TIMELESS: variants seen among roughly 807,000 people sequenced by gnomAD.
TIMELESS encodes protein timeless homolog.
In TIMELESS, 124 loss-of-function variants were observed where a neutral mutation model predicts 164.3. The ratio of observed to expected loss-of-function variants is 0.75; its 90% CI spans 0.65 to 0.88. The LOEUF (loss-of-function observed/expected upper bound fraction) is 0.88, where lower values mean the gene tolerates loss of function less well. Ranked by LOEUF, TIMELESS falls within the 40% of genes least tolerant of loss-of-function variation. The pLI is 0.00. For missense variants in TIMELESS, 1,422 were observed against 1,491.4 expected (o/e 0.95, Z 0.77); for synonymous variants, 564 against 563.4 (o/e 1.00, Z -0.02).
chr12:56,430,427 G>T, intron 9 of TIMELESS, 146 bp from the exon 10 acceptor site: 1 of 910,602 alleles, frequency 1.1e-6, no homozygotes, highest in Non-Finnish European at 1.6e-6. Flanking sequence ...GTGTAATGAT[G>T]CAATCATAGC....
chr12:56,425,202 T>TC (rs1227483790), intron 13 of TIMELESS, 50 bp from the exon 14 acceptor site: 5 of 1,551,576 alleles, frequency 3.2e-6, no homozygotes, highest in South Asian at 1.2e-5. Flanking sequence ...AAGAGGGCTT[T>TC]CCCCATCAGT....
chr12:56,416,429 C>T lies in TIMELESS; in HGVS notation c.*1287G>A, dbSNP rs1592240602. The T allele has an allele frequency of 6.6e-6, 1 of 152,260 alleles. No individual in the cohort carries two copies. Among genetic ancestry groups the T allele is most frequent in the Non-Finnish European group, 1.5e-5 (1 of 68,052 alleles). The allele number at this position is 152,260 out of a possible 1,614,324, so 9.4% of individuals were successfully genotyped here. A position where few individuals can be genotyped will look rare whatever the true frequency, so the allele number is the denominator to read the frequency against. ...TGAGCTGAATGGCTATTTTCTCAAT[C>T]TCACCTTTGCCCTACCTCGGCTGGA... On this transcript the variant is annotated 3_prime_UTR_variant, in exon 29 of 29. Transcript: ENST00000553532.
Position 56,421,075 on chromosome 12 carries a change from G to A in TIMELESS, c.2928C>T (p.Asn976=). The A allele has an allele frequency of 6.2e-7, 1 of 1,614,102 alleles. No homozygotes were observed. Among genetic ancestry groups the A allele is most frequent in the African/African-American group, 1.3e-5 (1 of 75,008 alleles). ...CCTCTTCGCTGTCTTCCTCAGGCAG[G>A]TTTTCCTCTTCTTCCAGATCTTCCT... The part of the protein sequence containing the change: ...FCQEDLEEEE[N]LPEEDSEEEE... The change falls in exon 24 of 29, where the codon AAC becomes AAT. Residue 976 remains asparagine, a synonymous_variant. Coordinates refer to ENST00000553532, the MANE Select transcript of TIMELESS (RefSeq NM_003920.5).
intron 27 of TIMELESS, 59 bp downstream of exon 27, chr12:56,418,075 C>A (rs1164134970): frequency 4.3e-5 from 70 of 1,612,670 alleles, no homozygotes; most frequent in Non-Finnish European, 5.9e-5. Flanking sequence ...ACCTTTCCTG[C>A]CCTCTAGACC....
chr12:56,426,519 T>C (rs1270188305), intron 13 of TIMELESS, among the ~76,000 whole-genome samples: 1 of 151,812 alleles, frequency 6.6e-6, no homozygotes, highest in Non-Finnish European at 1.5e-5. Flanking sequence ...CCCAAGTACC[T>C]GGGATTACAG....
At chr12:56,422,283 G>A (rs1881524025) in intron 19 of TIMELESS, 92 bp from the exon 20 acceptor site, 2 of 1,191,944 alleles carry the variant, frequency 1.7e-6, no homozygotes, top group South Asian at 1.3e-5. Context: ...AAAAGAACAG[G>A]AAGGACAAGG....
intron 1 of TIMELESS, among the ~76,000 whole-genome samples, chr12:56,444,636 C>T (rs890927206): frequency 9.9e-5 from 15 of 151,520 alleles, no homozygotes; most frequent in African/African-American, 3.6e-4. Context: ...AGCCTCAAGC[C>T]CCCAGGCTCA....
At chr12:56,434,268 T>C in intron 1 of TIMELESS, 37 bp from the exon 2 acceptor site, 1 of 987,154 alleles carries the variant, frequency 1.0e-6, no homozygotes, top group East Asian at 2.5e-5. Flanking sequence ...TGTAAGTTCC[T>C]CTCCATGAAA....
intron 1 of TIMELESS, among the ~76,000 whole-genome samples, chr12:56,447,713 T>C (rs957791477): frequency 1.5e-4 from 23 of 152,122 alleles, no homozygotes; most frequent in African/African-American, 5.6e-4. Context: ...ATTGATCTTT[T>C]ATTGAGCTGT....
intron 21 of TIMELESS, 35 bp downstream of exon 21, chr12:56,421,864 C>G: frequency 4.3e-6 from 7 of 1,613,392 alleles, no homozygotes; most frequent in Non-Finnish European, 5.9e-6. Context: ...CACGAGTCCC[C>G]ATCCCAATAG....
In TIMELESS at chr12:56,428,387, A is replaced by G. The variant is rs1284936118; in HGVS notation, c.1427T>C (p.Met476Thr). 1.9e-6 allele frequency: 3 copies of G among 1,610,550 alleles called. No individual in the cohort carries two copies. The highest frequency in any genetic ancestry group is 2.5e-6 in the Non-Finnish European group (3 of 1,177,240). Residue 476 changes from methionine (M) to threonine (T), a missense_variant, in exon 13 of 29, where the codon ATG becomes ACG. By Grantham distance (81) the Met-to-Thr change is moderately conservative. Transcript: ENST00000553532. ...RIIKNNIFYVMEYRELFLALF... is the reference protein window; with the variant it reads ...RIIKNNIFYVTEYRELFLALF... ...TGCCAGGAATAGTTCTCGGTACTCC[A>G]TCACATAGAAAATATTGTCTAGGAA...
rs1378695610 is a variant in TIMELESS, at chr12:56,420,943, C to A, written c.3040+20G>T. The A allele has an allele frequency of 6.2e-7, 1 of 1,614,124 alleles. No individual in the cohort carries two copies. The highest frequency in any genetic ancestry group is 1.7e-5 in the Admixed American group (1 of 60,018). Reference sequence around the variant, plus strand: ...CCCAAGCCCTCCACCTGAGACATCTCTCCCAGCCAAAGTCCTCACCTTCCT... The same window carrying A: ...CCCAAGCCCTCCACCTGAGACATCTATCCCAGCCAAAGTCCTCACCTTCCT... On this transcript the variant is annotated intron_variant, in intron 24 of 28. Transcript: ENST00000553532.
Position 56,428,616 on chromosome 12 carries a change from C to T in TIMELESS, c.1341G>A (p.Leu447=). The stretch of plus-strand genomic sequence containing the variant: ...ATATGTCCATCTCATTCACTGTTGC[C>T]AGCAGCTCCTGATAGGCCTTCAGAG... ...HLALKAYQEL[L]ATVNEMDISP... The change falls in exon 12 of 29, where the codon CTG becomes CTA. Residue 447 remains leucine (L), a synonymous_variant. Coordinates refer to ENST00000553532, the MANE Select transcript of TIMELESS (RefSeq NM_003920.5). 5 of 1,614,140 alleles carry T rather than the reference C, an allele frequency of 3.1e-6. No homozygotes were observed. The highest frequency in any genetic ancestry group is 1.1e-5 in the South Asian group (1 of 91,088).
At chr12:56,438,458 C>T (rs1424958710) in intron 1 of TIMELESS, among the ~76,000 whole-genome samples, 4 of 150,526 alleles carry the variant, frequency 2.7e-5, no homozygotes, top group Middle Eastern at 3.4e-3. Flanking sequence ...TATGCTAACT[C>T]AAATTTGAAA....
At chr12:56,440,288 G>A (rs370546829) in intron 1 of TIMELESS, among the ~76,000 whole-genome samples, 42 of 152,014 alleles carry the variant, frequency 2.8e-4, no homozygotes, top group South Asian at 2.3e-3. Flanking sequence ...ACAGGCACGC[G>A]CCACCATGCC....
rs1230234206 is a variant in TIMELESS at position 56,430,199 on chromosome 12, T to G, written c.992A>C (p.Gln331Pro). ...RRQAARELSI[Q>P]RRSALNVRLF... ...CCTCACATTGAGGGCAGAACGGCGC[T>G]GAATGGACAGCTCTCGGGCGGCCTG... The change falls in exon 10 of 29, where the codon CAG (glutamine) becomes CCG (proline). Residue 331 changes from glutamine (Q) to proline (P), a missense_variant. Coordinates refer to ENST00000553532, the MANE Select transcript of TIMELESS (RefSeq NM_003920.5). 1.7e-5 allele frequency: 27 copies of G among 1,614,014 alleles called. No homozygotes were observed. The highest frequency in any genetic ancestry group is 3.3e-5 in the South Asian group (3 of 91,088).
chr12:56,420,242 T>C (rs1340133487), intron 26 of TIMELESS, among the ~76,000 whole-genome samples: 1 of 151,848 alleles, frequency 6.6e-6, no homozygotes, highest in Non-Finnish European at 1.5e-5. Context: ...TCAGCATCTA[T>C]AGATTTTGGT....
intron 19 of TIMELESS, 45 bp from the exon 20 acceptor site, chr12:56,422,236 A>G: frequency 1.9e-6 from 3 of 1,576,272 alleles, no homozygotes. Flanking sequence ...TCTTGGCCCA[A>G]AAAGAGGAGA....
Position 56,423,329 on chromosome 12 carries a change from G to A in TIMELESS, c.2237C>T (p.Ser746Leu). Residue 746 changes from serine (S) to leucine (L), a missense_variant, in exon 18 of 29, where the codon TCA (serine) becomes TTA (leucine). By Grantham distance (145) the Ser-to-Leu change is moderately radical (BLOSUM62 -2). Transcript: ENST00000553532. Reference sequence around the variant, plus strand: ...CAGACGATTGAAGAGGCAGAAGACTGACAGCTGAAAAAGTAGGGCTTCCAT... The same window carrying A: ...CAGACGATTGAAGAGGCAGAAGACTAACAGCTGAAAAAGTAGGGCTTCCAT... ...LKMEALLFQL[S>L]VFCLFNRLLS... is the part of the protein sequence containing the mutation. The A allele has an allele frequency of 6.2e-7, 1 of 1,614,152 alleles. No homozygotes were observed.
Sources: allele counts gnomAD v4.1 joint callset (sites outside exome capture counted in the v4.1 genomes callset), GRCh38; gene constraint gnomAD v4.1.1; transcripts MANE v1.5; gene names NCBI Gene and HGNC (gene_info 2026-07-23, HGNC 2026-07-21).